Variants in PRKD1 observed in about 807,000 individuals in gnomAD.
PRKD1 encodes protein kinase D1.
In PRKD1, 63 loss-of-function variants were observed where a neutral mutation model predicts 95.9. The observed-to-expected ratio is 0.66, with a 90% CI of 0.54 to 0.81. The LOEUF is 0.81. Ranked by LOEUF, PRKD1 falls within the 30% of genes least tolerant of loss-of-function variation. The probability of loss-of-function intolerance (pLI) is 0.00; values close to 1 mark genes in which losing one functional copy is unlikely to be tolerated. For missense variants in PRKD1, 1,048 were observed against 1,165.3 expected (o/e 0.90, Z 1.47); for synonymous variants, 425 against 423.1 (o/e 1.00, Z -0.05).
chr14:29,693,503 G>A lies in PRKD1; in HGVS notation c.404-27295C>T, dbSNP rs77959825. 8.2e-3 allele frequency among the ~76,000 whole-genome samples: 1,243 copies of A among 151,978 alleles called. 3 individuals carry two copies. The highest frequency in any genetic ancestry group is 0.014 in the Non-Finnish European group (927 of 67,918). ...TGAAAAATAAGTTGCTACTGAGATTGTTGGAAAGTTTGAATGACCTTGTAA... is the reference window on the plus strand; with the variant it reads ...TGAAAAATAAGTTGCTACTGAGATTATTGGAAAGTTTGAATGACCTTGTAA... On this transcript the variant is annotated intron_variant, in intron 2 of 17. Coordinates refer to ENST00000331968, the MANE Select transcript of PRKD1 (RefSeq NM_002742.3).
chr14:29,596,378 G>GA (rs1192119375), intron 16 of PRKD1, among the ~76,000 whole-genome samples: 1 of 152,098 alleles, frequency 6.6e-6, no homozygotes, highest in African/African-American at 2.4e-5. Flanking sequence ...GGCTAGTACT[G>GA]AAAAAAAGTA....
intron 2 of PRKD1, among the ~76,000 whole-genome samples, chr14:29,682,548 T>C (rs1453599833): frequency 6.6e-6 from 1 of 152,210 alleles, no homozygotes; most frequent in Non-Finnish European, 1.5e-5. Flanking sequence ...CTTTATTAAA[T>C]GGCTTTATGT....
intron 1 of PRKD1, among the ~76,000 whole-genome samples, chr14:29,838,452 T>C (rs914090761): frequency 1.3e-4 from 20 of 152,258 alleles, no homozygotes; most frequent in African/African-American, 4.8e-4. Context: ...TTCCAAGAAA[T>C]TAGTTAGAAA....
At chr14:29,709,098 T>C (rs1183367555) in intron 2 of PRKD1, among the ~76,000 whole-genome samples, 1 of 152,124 alleles carries the variant, frequency 6.6e-6, no homozygotes, top group African/African-American at 2.4e-5. Context: ...GCTTCCTATA[T>C]CTATTGATTA....
chr14:29,909,660 C>A (rs1265977040), intron 1 of PRKD1, among the ~76,000 whole-genome samples: 2 of 152,278 alleles, frequency 1.3e-5, no homozygotes, highest in East Asian at 3.9e-4. Context: ...CCAGTCAGCA[C>A]TCTGTGTCTA....
intron 1 of PRKD1, among the ~76,000 whole-genome samples, chr14:29,809,881 G>GCCAC (rs1238758997): frequency 1.3e-5 from 2 of 152,264 alleles, no homozygotes; most frequent in Non-Finnish European, 2.9e-5. Flanking sequence ...GGCACAAGAG[G>GCCAC]CCACACCTTA....
chr14:29,689,042 T>C (rs1296439995), intron 2 of PRKD1, among the ~76,000 whole-genome samples: 1 of 147,186 alleles, frequency 6.8e-6, no homozygotes, highest in Non-Finnish European at 1.5e-5. Flanking sequence ...CCATTCAGGA[T>C]ATAGGCACAG....
intron 13 of PRKD1, among the ~76,000 whole-genome samples, 176 bp from the exon 14 acceptor site, chr14:29,599,993 CA>C (rs1195424504): frequency 1.3e-5 from 2 of 151,992 alleles, no homozygotes; most frequent in African/African-American, 2.4e-5. Flanking sequence ...CTAATGTCTC[CA>C]AAAAATACAT....
In PRKD1 at chr14:29,750,524, C is replaced by G. The variant is rs534181329; in HGVS notation, c.265-24850G>C. Among the ~76,000 whole-genome samples, 5 of 152,106 alleles carry G rather than the reference C, an allele frequency of 3.3e-5. No homozygotes were observed. The East Asian group carries it at 9.7e-4, about 30-fold the overall frequency. On this transcript the variant is annotated intron_variant, in intron 1 of 17. Coordinates refer to ENST00000331968, the MANE Select transcript of PRKD1 (RefSeq NM_002742.3). The stretch of plus-strand genomic sequence containing the variant: ...ACCCAGTTTTTCCAGTTCAGGATCA[C>G]GAATGGCCAGAGCCTATTCCAGCAG...
At chr14:29,898,561 G>A (rs1037299123) in intron 1 of PRKD1, among the ~76,000 whole-genome samples, 1 of 152,068 alleles carries the variant, frequency 6.6e-6, no homozygotes, top group South Asian at 2.1e-4. Flanking sequence ...ATGACACTGT[G>A]TCACTTTACT....
At chr14:29,815,736 CA>C (rs1380869408) in intron 1 of PRKD1, among the ~76,000 whole-genome samples, 1 of 152,138 alleles carries the variant, frequency 6.6e-6, no homozygotes, top group Non-Finnish European at 1.5e-5. Flanking sequence ...CTGTGTTTCT[CA>C]AATAGCGCAA....
intron 2 of PRKD1, among the ~76,000 whole-genome samples, chr14:29,697,496 A>G (rs1243819960): frequency 6.6e-6 from 1 of 152,208 alleles, no homozygotes; most frequent in Non-Finnish European, 1.5e-5. Flanking sequence ...ATGTATGCAG[A>G]TTTGCTTTTA....
chr14:29,842,837 T>C (rs1386955332), intron 1 of PRKD1, among the ~76,000 whole-genome samples: 2 of 152,118 alleles, frequency 1.3e-5, no homozygotes, highest in Non-Finnish European at 2.9e-5. Flanking sequence ...CCTGGGAGTA[T>C]GGACCAGGCA....
intron 1 of PRKD1, among the ~76,000 whole-genome samples, chr14:29,832,626 G>A (rs533106920): frequency 2.0e-5 from 3 of 151,856 alleles, no homozygotes; most frequent in African/African-American, 7.3e-5. Flanking sequence ...ACCCTTATTT[G>A]TAACCTCCTC....
chr14:29,875,664 T>G (rs1007798155), intron 1 of PRKD1, among the ~76,000 whole-genome samples: 1 of 152,250 alleles, frequency 6.6e-6, no homozygotes, highest in Admixed American at 6.5e-5. Flanking sequence ...TTTATTTTAT[T>G]TATGCACTGC....
At chr14:29,656,535 A>G in intron 4 of PRKD1, 1 of 1,531,334 alleles carries the variant, frequency 6.5e-7, no homozygotes, top group Non-Finnish European at 8.8e-7. Context: ...AAAGCAGGCA[A>G]AGGTGCAGAA....
Position 29,638,721 on chromosome 14 carries a change from G to T in PRKD1, c.880C>A (p.Leu294Ile). The T allele has an allele frequency of 6.2e-7, 1 of 1,614,106 alleles. No homozygotes were observed. Among genetic ancestry groups the T allele is most frequent in the Non-Finnish European group, 8.5e-7 (1 of 1,180,006 alleles). Residue 294 changes from leucine (L) to isoleucine (I), a missense_variant, in exon 5 of 18, where the codon CTT (leucine) becomes ATT (isoleucine). Leu to Ile is a conservative substitution (Grantham distance 5). Transcript: ENST00000331968. ...TTGCACTGCAAGCCCTGCCTGAAAA[G>T]CCCCTTCAGAAGCTTCTTGCAGTAC... ...CQYCKKLLKG[L>I]FRQGLQCKDC... is the part of the protein sequence containing the mutation.
chr14:29,789,618 C>A (rs142885153), intron 1 of PRKD1, among the ~76,000 whole-genome samples: 2 of 152,272 alleles, frequency 1.3e-5, no homozygotes, highest in East Asian at 3.9e-4. Flanking sequence ...TAAGTGAATG[C>A]CAATGGTGGC....
rs1383266974 is a variant in PRKD1, at chr14:29,927,373, C to A, written c.140G>T (p.Gly47Val). The change falls in exon 1 of 18, where the codon GGG (glycine) becomes GTG (valine). Residue 47 changes from glycine to valine, a missense_variant. Gly to Val is a moderately radical substitution (Grantham distance 109). Transcript: ENST00000331968. ...GATCTGCAGATGGAACGAGATGCCC[C>A]CGACCGGGGCCGCGACAGGAGCCAA... ...PFLAPVAAPVGGISFHLQIGL... is the reference protein window; with the variant it reads ...PFLAPVAAPVVGISFHLQIGL... 6.4e-7 allele frequency: 1 copy of A among 1,558,474 alleles called. No individual in the cohort carries two copies. The highest frequency in any genetic ancestry group is 1.9e-5 in the Admixed American group (1 of 53,988).
Sources: allele counts gnomAD v4.1 joint callset (sites outside exome capture counted in the v4.1 genomes callset), GRCh38; gene constraint gnomAD v4.1.1; transcripts MANE v1.5; gene names NCBI Gene and HGNC (gene_info 2026-07-23, HGNC 2026-07-21).